The following GABRA2 variants were observed in gnomAD, a reference collection of about 807,000 sequenced individuals.
GABRA2 encodes gamma-aminobutyric acid receptor subunit alpha-2.
Under a neutral mutation model 48.7 loss-of-function variants are expected in GABRA2, and 16 were observed. The ratio of observed to expected loss-of-function variants is 0.33; its 90% confidence interval spans 0.22 to 0.50. The LOEUF (loss-of-function observed/expected upper bound fraction) is 0.50. Among genes scored for constraint, GABRA2 ranks in the 20% least tolerant of loss-of-function variants. The pLI, the probability that GABRA2 is intolerant of heterozygous loss-of-function variation, is 0.98. For missense variants in GABRA2, 275 were observed against 535.6 expected (o/e 0.51, Z 4.80); for synonymous variants, 185 against 184.5 (o/e 1.00, Z -0.02).
rs537436317 is a variant in GABRA2 at position 46,262,281 on chromosome 4, T to C, written c.857-153A>G. Among the ~76,000 whole-genome samples, 3 of 152,232 alleles carry C rather than the reference T, an allele frequency of 2.0e-5. No individual in the cohort carries two copies. In the East Asian group the frequency reaches 5.8e-4, roughly 30 times the overall value. The stretch of plus-strand genomic sequence containing the variant: ...AAATGAATAAATACTGGAATTTATA[T>C]TAAAGTGTAAAGTTAATTATCTTAA... On this transcript the variant is annotated intron_variant, in intron 8 of 9. Coordinates refer to ENST00000381620, the MANE Select transcript of GABRA2 (RefSeq NM_000807.4).
chr4:46,370,198 A>G (rs2109995815), intron 3 of GABRA2, among the ~76,000 whole-genome samples: 1 of 152,210 alleles, frequency 6.6e-6, no homozygotes, highest in Non-Finnish European at 1.5e-5. Flanking sequence ...AAAAAAAAGC[A>G]TCAGGGCTAG....
intron 6 of GABRA2, among the ~76,000 whole-genome samples, chr4:46,306,568 G>A (rs1726737640): frequency 6.6e-6 from 1 of 152,190 alleles, no homozygotes; most frequent in South Asian, 2.1e-4. Flanking sequence ...CCACAGTTGA[G>A]TAACAGGTAA....
intron 4 of GABRA2, among the ~76,000 whole-genome samples, chr4:46,331,965 C>T (rs1731434057): frequency 6.6e-6 from 1 of 152,056 alleles, no homozygotes; most frequent in Non-Finnish European, 1.5e-5. Flanking sequence ...TTAAGCAGTC[C>T]TCCCACCTCA....
chr4:46,261,459 T>C (rs1716962551), intron 9 of GABRA2: 1 of 163,488 alleles, frequency 6.1e-6, no homozygotes, highest in Admixed American at 5.9e-5. Flanking sequence ...TAATGCCCAT[T>C]TTCTTTTTCT....
At chr4:46,323,510 T>C (rs1258888675) in intron 4 of GABRA2, among the ~76,000 whole-genome samples, 5 of 151,942 alleles carry the variant, frequency 3.3e-5, no homozygotes, top group African/African-American at 1.2e-4. Flanking sequence ...TCGTACTGTT[T>C]TAAAATGGAC....
At chr4:46,337,666 A>AAAG (rs953324603) in intron 3 of GABRA2, among the ~76,000 whole-genome samples, 30 of 151,552 alleles carry the variant, frequency 2.0e-4, no homozygotes, top group Middle Eastern at 3.4e-3. Context: ...AAAAAAAAAA[A>AAAG]AGAGACTGAG....
At chr4:46,378,051 C>A (rs531509090) in intron 3 of GABRA2, among the ~76,000 whole-genome samples, 16 of 144,768 alleles carry the variant, frequency 1.1e-4, no homozygotes, top group South Asian at 4.4e-4. Flanking sequence ...TCAGCCCCCC[C>A]ACCCGGCCAG....
At chr4:46,251,681 C>T (rs1262231088) in intron 9 of GABRA2, among the ~76,000 whole-genome samples, 2 of 151,410 alleles carry the variant, frequency 1.3e-5, no homozygotes, top group East Asian at 3.9e-4. Context: ...CCCATATATG[C>T]TCATTCATAA....
chr4:46,350,234 A>G (rs1348129595), intron 3 of GABRA2, among the ~76,000 whole-genome samples: 1 of 151,922 alleles, frequency 6.6e-6, no homozygotes, highest in Non-Finnish European at 1.5e-5. Context: ...AAGGATTTTT[A>G]TTTAGCTTAT....
chr4:46,377,017 G>A (rs1031538494), intron 3 of GABRA2, among the ~76,000 whole-genome samples: 23 of 152,146 alleles, frequency 1.5e-4, no homozygotes, highest in Admixed American at 5.9e-4. Flanking sequence ...GATTGCAGAC[G>A]GAGTCTCATT....
chr4:46,327,528 G>C (rs187723401), intron 4 of GABRA2, among the ~76,000 whole-genome samples: 1 of 151,870 alleles, frequency 6.6e-6, no homozygotes, highest in East Asian at 1.9e-4. Context: ...TTGATACAAA[G>C]GGTTTGCCAT....
At chr4:46,295,833 G>C (rs185064927) in intron 8 of GABRA2, among the ~76,000 whole-genome samples, 1 of 152,264 alleles carries the variant, frequency 6.6e-6, no homozygotes, top group Admixed American at 6.5e-5. Context: ...GCCGGATATG[G>C]GTTTGCCTAT....
chr4:46,318,218 A>G (rs1041687552), intron 4 of GABRA2, among the ~76,000 whole-genome samples: 14 of 151,392 alleles, frequency 9.2e-5, no homozygotes, highest in African/African-American at 2.4e-4. Flanking sequence ...GGGAGCAAAA[A>G]TAAATGTACT....
At chr4:46,330,336 A>T (rs1013580052) in intron 4 of GABRA2, among the ~76,000 whole-genome samples, 1 of 151,948 alleles carries the variant, frequency 6.6e-6, no homozygotes, top group Admixed American at 6.6e-5. Context: ...ATTGCTAATG[A>T]CTATATACCT....
intron 8 of GABRA2, among the ~76,000 whole-genome samples, chr4:46,293,065 A>G (rs2083423): frequency 0.5 from 76,682 of 151,972 alleles, 20,588 homozygotes; most frequent in African/African-American, 0.69. Context: ...TATCAGAATA[A>G]TCTGAATCGT....
Position 46,247,448 on chromosome 4 carries a change from T to A in GABRA2, c.*2860A>T, listed in dbSNP as rs1353115454. On this transcript the variant is annotated 3_prime_UTR_variant, in exon 10 of 10. Transcript: ENST00000381620. The stretch of plus-strand genomic sequence containing the variant: ...AATTCAGTGGGTGTGACATGAGTGA[T>A]TTTAACACCAATTACAGGGCATGGC... 6.6e-6 allele frequency among the ~76,000 whole-genome samples: 1 copy of A among 151,230 alleles called. No individual in the cohort carries two copies. The highest frequency in any genetic ancestry group is 1.5e-5 in the Non-Finnish European group (1 of 67,470).
chr4:46,267,105 T>C (rs1718402952), intron 8 of GABRA2, among the ~76,000 whole-genome samples: 1 of 152,108 alleles, frequency 6.6e-6, no homozygotes, highest in Non-Finnish European at 1.5e-5. Flanking sequence ...CTTGATGATG[T>C]ACAACAGGTC....
intron 6 of GABRA2, among the ~76,000 whole-genome samples, chr4:46,306,041 CTG>C (rs1726632568): frequency 6.6e-6 from 1 of 152,060 alleles, no homozygotes; most frequent in African/African-American, 2.4e-5. Context: ...TATGAAGACA[CTG>C]TGGTAAAATA....
rs1023664773 is a variant in GABRA2 at position 46,245,550 on chromosome 4, G to A, written c.*4758C>T. ...TTAATAAGTTTGTTATGGATTTACT[G>A]AAAAATGTGTTCTAGTGTGCAAGTT... On this transcript the variant is annotated 3_prime_UTR_variant, in exon 10 of 10. Transcript: ENST00000381620. Among the ~76,000 whole-genome samples the A allele has an allele frequency of 2.6e-5, 4 of 151,328 alleles. No individual in the cohort carries two copies. The highest frequency in any genetic ancestry group is 9.7e-5 in the African/African-American group (4 of 41,350).
Sources: allele counts gnomAD v4.1 joint callset (sites outside exome capture counted in the v4.1 genomes callset), GRCh38; gene constraint gnomAD v4.1.1; transcripts MANE v1.5; gene names NCBI Gene and HGNC (gene_info 2026-07-23, HGNC 2026-07-21).